The following PEAK1 variants were observed in gnomAD, a reference collection of about 807,000 sequenced individuals.
The protein encoded by PEAK1 is pseudopodium enriched atypical kinase 1, also known as inactive tyrosine-protein kinase PEAK1.
A neutral mutation model predicts 124.7 loss-of-function variants in PEAK1; 54 were observed. The ratio of observed to expected loss-of-function variants is 0.43; its 90% confidence interval spans 0.35 to 0.54. PEAK1 has a LOEUF of 0.54. Among genes scored for constraint, PEAK1 ranks in the 20% least tolerant of loss-of-function variants. The probability of loss-of-function intolerance (pLI) is 0.01; values close to 1 mark genes in which losing one functional copy is unlikely to be tolerated. For missense variants in PEAK1, 2,046 were observed against 2,134.5 expected, an observed-to-expected ratio of 0.96 and a Z score of 0.82; for synonymous variants, 719 against 760.0, an observed-to-expected ratio of 0.95 and a Z score of 0.89.
At chr15:77,349,271 C>T (rs1391291734) in intron 2 of PEAK1, 1 of 633,490 alleles carries the variant, frequency 1.6e-6, no homozygotes, top group Non-Finnish European at 2.0e-6. Context: ...GATCTTCTGA[C>T]CTTACGATCT....
chr15:77,132,928 G>T, intron 9 of PEAK1, 77 bp downstream of exon 9: 1 of 1,408,318 alleles, frequency 7.1e-7, no homozygotes, highest in Non-Finnish European at 9.7e-7. Flanking sequence ...GGAAAGAAAG[G>T]AGAAAAGCAG....
chr15:77,238,484 GCTTT>G (rs2060219370), intron 6 of PEAK1, among the ~76,000 whole-genome samples: 2 of 151,950 alleles, frequency 1.3e-5, no homozygotes, highest in African/African-American at 2.4e-5. Context: ...CTCTTGTTTT[GCTTT>G]CTTTATTAAC....
chr15:77,140,145 G>A (rs1399614098), intron 8 of PEAK1, among the ~76,000 whole-genome samples: 1 of 152,144 alleles, frequency 6.6e-6, no homozygotes, highest in African/African-American at 2.4e-5. Flanking sequence ...TGGCTTCACT[G>A]ATGAATTCTA....
At chr15:77,335,263 C>CATA in intron 2 of PEAK1, 1 of 985,428 alleles carries the variant, frequency 1.0e-6, no homozygotes, top group South Asian at 4.7e-5. Context: ...ATTCCAGGAC[C>CATA]ATAAGCAATG....
intron 2 of PEAK1, chr15:77,350,842 CAT>C: frequency 1.0e-6 from 1 of 982,106 alleles, no homozygotes; most frequent in African/African-American, 1.7e-5. Flanking sequence ...TGTTAAGAAA[CAT>C]AATCAATTAC....
chr15:77,279,520 T>C lies in PEAK1; in HGVS notation c.-275+4363A>G, dbSNP rs373546910. On this transcript the variant is annotated intron_variant, in intron 5 of 9. Coordinates refer to ENST00000682557, the MANE Select transcript of PEAK1 (RefSeq NM_001385026.1). ...GAGATGGAGCCCCTCAAAGGAGCAG[T>C]GGTTCCATTTCCAGATTGTGGATCT... is the stretch of plus-strand genomic sequence containing the variant. 3.9e-5 allele frequency among the ~76,000 whole-genome samples: 6 copies of C among 152,322 alleles called. No homozygotes were observed. The East Asian group carries it at 7.7e-4, about 20-fold the overall frequency.
chr15:77,368,906 T>C (rs2068450375), intron 1 of PEAK1, among the ~76,000 whole-genome samples: 1 of 152,142 alleles, frequency 6.6e-6, no homozygotes, highest in African/African-American at 2.4e-5. Context: ...AAAGAACATA[T>C]ATAGAAGAAT....
chr15:77,324,322 A>G (rs2065431836), intron 2 of PEAK1, among the ~76,000 whole-genome samples: 1 of 152,114 alleles, frequency 6.6e-6, no homozygotes, highest in Admixed American at 6.5e-5. Context: ...TCTACTAAAA[A>G]TACAAAAAAT....
At chr15:77,123,819 C>T (rs1286851449) in intron 9 of PEAK1, among the ~76,000 whole-genome samples, 1 of 151,928 alleles carries the variant, frequency 6.6e-6, no homozygotes, top group East Asian at 1.9e-4. Context: ...TTTAAGTTAA[C>T]GGCAGAAGGC....
At chr15:77,328,972 A>G (rs1597319430) in intron 2 of PEAK1, among the ~76,000 whole-genome samples, 1 of 152,306 alleles carries the variant, frequency 6.6e-6, no homozygotes, top group East Asian at 1.9e-4. Flanking sequence ...AGAAAGATAC[A>G]GAAGGTATAG....
chr15:77,383,174 C>T (rs2069631352), intron 1 of PEAK1, among the ~76,000 whole-genome samples: 1 of 151,992 alleles, frequency 6.6e-6, no homozygotes, highest in Non-Finnish European at 1.5e-5. Flanking sequence ...CAGGCTCCCG[C>T]CACCACGTCC....
downstream of PEAK1, chr15:77,106,475 T>G (rs779796810): frequency 5.3e-5 from 8 of 152,324 alleles, no homozygotes; most frequent in East Asian, 1.5e-3. Context: ...GCCATTCTCC[T>G]GCCCCACCCT....
chr15:77,419,636 TCA>T, intron 1 of PEAK1: 1 of 984,850 alleles, frequency 1.0e-6, no homozygotes, highest in Non-Finnish European at 1.2e-6. Context: ...CCTCCAGGCT[TCA>T]CTTTCCCCCG....
In PEAK1 at chr15:77,135,136, G is replaced by T. The variant is rs111780613; in HGVS notation, c.3332-1386C>A. 2.0e-3 allele frequency among the ~76,000 whole-genome samples: 305 copies of T among 152,302 alleles called. 1 individual carries two copies. Among genetic ancestry groups the T allele is most frequent in the African/African-American group, 7.3e-3 (302 of 41,568 alleles). On this transcript the variant is annotated intron_variant, in intron 8 of 9. Coordinates refer to ENST00000682557, the MANE Select transcript of PEAK1 (RefSeq NM_001385026.1). ...TCAGACTCCTAGCCTCCATAACTGT[G>T]AGAGAATATATTTGTGTTGTTCTAA...
At chr15:77,371,534 CCACCAT>C (rs986744904) in intron 1 of PEAK1, 23 of 316,124 alleles carry the variant, frequency 7.3e-5, no homozygotes, top group African/African-American at 1.8e-4. Flanking sequence ...ACCACCACCA[CCACCAT>C]CATCATCATG....
intron 1 of PEAK1, among the ~76,000 whole-genome samples, chr15:77,378,941 C>A (rs192450501): frequency 9.2e-5 from 14 of 152,252 alleles, no homozygotes; most frequent in Admixed American, 4.6e-4. Context: ...ATTTTGCTCG[C>A]CACCCCTATA....
intron 8 of PEAK1, among the ~76,000 whole-genome samples, chr15:77,139,800 C>CAT (rs748671405): frequency 2.6e-5 from 4 of 151,732 alleles, no homozygotes; most frequent in African/African-American, 4.8e-5. Flanking sequence ...CAACAACACA[C>CAT]ATATATATAC....
Position 77,401,517 on chromosome 15 carries a change from T to A in PEAK1, c.-666+18489A>T, listed in dbSNP as rs141219603. 1.0e-3 allele frequency: 1,003 copies of A among 972,374 alleles called. 5 individuals are homozygous for A. The African/African-American group carries it at 0.016, about 15-fold the overall frequency. 60.2% of individuals were successfully genotyped at this position (972,374 alleles called of 1,614,324 possible). ...ATTTTTAAGAGTATAAGAAGAACAA[T>A]ACTCACCTAAAATCACATTTCTTTT... On this transcript the variant is annotated intron_variant, in intron 1 of 9. Transcript: ENST00000682557.
At chr15:77,227,899 C>G (rs1163650547) in intron 6 of PEAK1, among the ~76,000 whole-genome samples, 1 of 151,838 alleles carries the variant, frequency 6.6e-6, no homozygotes, top group Non-Finnish European at 1.5e-5. Context: ...TGGGAGGCTA[C>G]TCAAGAGAAT....
Sources: allele counts gnomAD v4.1 joint callset (sites outside exome capture counted in the v4.1 genomes callset), GRCh38; gene constraint gnomAD v4.1.1; transcripts MANE v1.5; gene names NCBI Gene and HGNC (gene_info 2026-07-23, HGNC 2026-07-21).